Variants in SULF1 observed in about 807,000 individuals in gnomAD.
SULF1 encodes the protein sulfatase 1.
In SULF1, 46 loss-of-function variants were observed where a neutral mutation model predicts 110.5. The ratio of observed to expected loss-of-function variants is 0.42; its 90% CI spans 0.33 to 0.53. SULF1 has a LOEUF of 0.53. Among genes scored for constraint, SULF1 ranks in the 20% least tolerant of loss-of-function variants. The probability of loss-of-function intolerance (pLI) is 0.12; values close to 1 mark genes in which losing one functional copy is unlikely to be tolerated. For missense variants in SULF1, 941 were observed against 1,094.2 expected, an observed-to-expected ratio of 0.86 and a Z score of 1.98; for synonymous variants, 371 against 387.1, an observed-to-expected ratio of 0.96 and a Z score of 0.49.
Position 69,564,044 on chromosome 8 carries a change from G to T in SULF1, c.69G>T (p.Ser23=), listed in dbSNP as rs201650068. The change falls in exon 5 of 23, where the codon TCG becomes TCT. Residue 23 remains serine, a synonymous_variant. Transcript: ENST00000402687. ...LGTELLGSLC[S]TVRSPRFRGR... The stretch of plus-strand genomic sequence containing the variant: ...CAGAATTGCTGGGAAGCCTCTGTTC[G>T]ACTGTCAGATCCCCGAGGTTCAGAG... 1 of 1,614,174 alleles carries T rather than the reference G, an allele frequency of 6.2e-7. No individual in the cohort carries two copies. The highest frequency in any genetic ancestry group is 8.5e-7 in the Non-Finnish European group (1 of 1,180,032).
chr8:69,638,141 T>C (rs982454375), intron 19 of SULF1: 1 of 210,840 alleles, frequency 4.7e-6, no homozygotes, highest in Non-Finnish European at 9.3e-6. Flanking sequence ...TAACCATTTT[T>C]CTTTTGTACA....
At chr8:69,598,727 A>G (rs1807548281) in intron 8 of SULF1, among the ~76,000 whole-genome samples, 1 of 152,162 alleles carries the variant, frequency 6.6e-6, no homozygotes. Flanking sequence ...TATTAACCCC[A>G]TTTACAGATG....
At chr8:69,523,439 G>T (rs1204139230) in intron 3 of SULF1, among the ~76,000 whole-genome samples, 3 of 152,130 alleles carry the variant, frequency 2.0e-5, no homozygotes, top group African/African-American at 7.2e-5. Flanking sequence ...AAGTATGTTT[G>T]CGAGGCAGTA....
At chr8:69,571,106 A>G (rs984324170) in intron 5 of SULF1, among the ~76,000 whole-genome samples, 3 of 152,224 alleles carry the variant, frequency 2.0e-5, no homozygotes, top group African/African-American at 7.2e-5. Flanking sequence ...TTTGAAAACC[A>G]ATATCAACAT....
At chr8:69,554,872 G>A (rs900996328) in intron 3 of SULF1, among the ~76,000 whole-genome samples, 2 of 150,862 alleles carry the variant, frequency 1.3e-5, no homozygotes, top group African/African-American at 2.4e-5. Flanking sequence ...CCAGCTACTC[G>A]GGAGGCTGAG....
intron 4 of SULF1, 148 bp downstream of exon 4, chr8:69,563,759 C>T (rs1393945334): frequency 1.4e-5 from 7 of 496,944 alleles, no homozygotes; most frequent in Non-Finnish European, 2.5e-5. Context: ...AACTACCCAG[C>T]ACTTGTGAGG....
In SULF1 at chr8:69,589,286, G is replaced by A. The variant is rs115932414; in HGVS notation, c.734+145G>A. On this transcript the variant is annotated intron_variant, in intron 8 of 22. Transcript: ENST00000402687. ...AAAGGATAACTTAAGAGCAGACCACGGAACAGGCAGAGCCGCTGAGCCTGA... is the reference window on the plus strand; with the variant it reads ...AAAGGATAACTTAAGAGCAGACCACAGAACAGGCAGAGCCGCTGAGCCTGA... The A allele has an allele frequency of 8.4e-4, 677 of 810,208 alleles. 5 individuals are homozygous for A. The African/African-American group carries it at 0.01, about 12-fold the overall frequency. The allele number at this position is 810,208 out of a possible 1,614,324, so 50.2% of individuals were successfully genotyped here. A position where few individuals can be genotyped will look rare whatever the true frequency, so the allele number is the denominator to read the frequency against.
intron 14 of SULF1, among the ~76,000 whole-genome samples, chr8:69,622,228 TCTTCC>T (rs1004695211): frequency 7.2e-5 from 11 of 152,340 alleles, no homozygotes; most frequent in Admixed American, 5.2e-4. Context: ...AGACTTTTTT[TCTTCC>T]CTAACAGAAA....
At chr8:69,639,503 G>A (rs952030420) in intron 21 of SULF1, among the ~76,000 whole-genome samples, 8 of 152,140 alleles carry the variant, frequency 5.3e-5, no homozygotes, top group Non-Finnish European at 1.0e-4. Flanking sequence ...TTCAGTGTCC[G>A]CCCCAGCTCT....
At chr8:69,517,211 T>C (rs1049788404) in intron 3 of SULF1, among the ~76,000 whole-genome samples, 2 of 152,208 alleles carry the variant, frequency 1.3e-5, no homozygotes, top group Non-Finnish European at 2.9e-5. Context: ...AACTTCTTGC[T>C]TTAATAGGAG....
chr8:69,648,384 C>T (rs943007146), intron 22 of SULF1, among the ~76,000 whole-genome samples: 1 of 152,186 alleles, frequency 6.6e-6, no homozygotes, highest in African/African-American at 2.4e-5. Context: ...CTTCTTGAAA[C>T]TGTAGACACC....
intron 3 of SULF1, among the ~76,000 whole-genome samples, chr8:69,519,271 C>T (rs1812136216): frequency 6.6e-6 from 1 of 152,174 alleles, no homozygotes; most frequent in Non-Finnish European, 1.5e-5. Context: ...TTCATCTCTG[C>T]ATTCTCAGTA....
chr8:69,570,297 T>C (rs1805135593), intron 5 of SULF1, among the ~76,000 whole-genome samples: 4 of 152,216 alleles, frequency 2.6e-5, no homozygotes, highest in Admixed American at 2.6e-4. Context: ...ATAATGACAA[T>C]ATTTACTGTT....
At chr8:69,481,410 A>C (rs1179693319) in intron 1 of SULF1, among the ~76,000 whole-genome samples, 2 of 152,084 alleles carry the variant, frequency 1.3e-5, no homozygotes, top group Admixed American at 1.3e-4. Context: ...TTATTTTTTG[A>C]TCCATAAGAA....
In SULF1 at chr8:69,587,884, A is replaced by G. The variant is rs569546088; in HGVS notation, c.565-1088A>G. Among the ~76,000 whole-genome samples, 6 of 152,340 alleles carry G rather than the reference A, an allele frequency of 3.9e-5. No individual in the cohort carries two copies. The East Asian group carries it at 7.7e-4, about 20-fold the overall frequency. On this transcript the variant is annotated intron_variant, in intron 7 of 22. Transcript: ENST00000402687. ...AGACAACTGTGTCTGAAAAGAATATATATCTTTTTTTAGTGAGGAAAAGAA... is the reference window on the plus strand; with the variant it reads ...AGACAACTGTGTCTGAAAAGAATATGTATCTTTTTTTAGTGAGGAAAAGAA...
chr8:69,564,055 C>A lies in SULF1; in HGVS notation c.80C>A (p.Ser27Tyr), dbSNP rs760630163. Residue 27 changes from serine to tyrosine, a missense_variant, in exon 5 of 23, where the codon TCC (serine) becomes TAC (tyrosine). By Grantham distance (144) the Ser-to-Tyr change is moderately radical. This residue lies in a region of SULF1 where 822 missense variants were observed against 934.3 expected (regional missense o/e 0.88). Coordinates refer to ENST00000402687, the MANE Select transcript of SULF1 (RefSeq NM_001128205.2). ...LLGSLCSTVRSPRFRGRIQQE... is the reference protein window; with the variant it reads ...LLGSLCSTVRYPRFRGRIQQE... The stretch of plus-strand genomic sequence containing the variant: ...GGAAGCCTCTGTTCGACTGTCAGAT[C>A]CCCGAGGTTCAGAGGACGGATACAG... The A allele has an allele frequency of 6.2e-7, 1 of 1,614,152 alleles. No individual in the cohort carries two copies. Among genetic ancestry groups the A allele is most frequent in the East Asian group, 2.2e-5 (1 of 44,890 alleles).
At chr8:69,638,078 G>A (rs1274195559) in intron 19 of SULF1, 1 of 172,862 alleles carries the variant, frequency 5.8e-6, no homozygotes, top group Admixed American at 6.3e-5. Context: ...GGTGACATGT[G>A]GCCATCTGCC....
At chr8:69,578,418 AT>A (rs1320245242) in intron 6 of SULF1, among the ~76,000 whole-genome samples, 1 of 151,798 alleles carries the variant, frequency 6.6e-6, no homozygotes, top group Non-Finnish European at 1.5e-5. Flanking sequence ...TTAGTTACAT[AT>A]GTATACATGT....
chr8:69,526,798 A>AAAGGAAGGAAGGAAGGAAGGAAGG (rs5892198), intron 3 of SULF1, among the ~76,000 whole-genome samples: 101 of 112,284 alleles, frequency 9.0e-4, no homozygotes, highest in Middle Eastern at 5.0e-3. Flanking sequence ...GTCAAGAAAG[A>AAAGGAAGGAAGGAAGGAAGGAAGG]AAGGAAGGAA....
Sources: gnomAD v4.1 joint callset for allele counts (sites outside exome capture counted in the v4.1 genomes callset) on GRCh38, gnomAD v4.1.1 for gene constraint, gnomAD v4.1.1 regional missense constraint, MANE v1.5 for transcripts, NCBI Gene and HGNC (gene_info 2026-07-23, HGNC 2026-07-21) for gene names.